NRG1: variants seen among roughly 807,000 people sequenced by gnomAD.
The protein encoded by NRG1 is pro-neuregulin-1, membrane-bound isoform.
A neutral mutation model predicts 63.8 loss-of-function variants in NRG1; 18 were observed. That is an observed-to-expected ratio of 0.28 (90% CI 0.19 to 0.42). NRG1 has a LOEUF of 0.42. Among genes scored for constraint, NRG1 ranks in the 10% least tolerant of loss-of-function variants. The probability of loss-of-function intolerance (pLI) is 1.00; values close to 1 mark genes in which losing one functional copy is unlikely to be tolerated. For missense variants in NRG1, 762 were observed against 814.7 expected (o/e 0.94, Z 0.79); for synonymous variants, 302 against 301.3 (o/e 1.00, Z -0.02).
chr8:32,685,032 G>A (rs544739832), intron 5 of NRG1, among the ~76,000 whole-genome samples: 34 of 152,128 alleles, frequency 2.2e-4, no homozygotes, highest in African/African-American at 7.0e-4. Context: ...GTAACATTCT[G>A]CAAAACCATG....
At chr8:32,471,124 A>G (rs1823793400) in intron 1 of NRG1, among the ~76,000 whole-genome samples, 1 of 151,944 alleles carries the variant, frequency 6.6e-6, no homozygotes, top group Non-Finnish European at 1.5e-5. Context: ...ATTTATGTCT[A>G]TTGAAATATG....
At chr8:31,976,184 A>T (rs1046060335) in intron 1 of NRG1, among the ~76,000 whole-genome samples, 2 of 152,188 alleles carry the variant, frequency 1.3e-5, no homozygotes, top group Non-Finnish European at 2.9e-5. Context: ...TCTGCCAATT[A>T]CCATTGTTTG....
At chr8:31,964,742 C>T (rs890226807) in intron 1 of NRG1, among the ~76,000 whole-genome samples, 5 of 152,168 alleles carry the variant, frequency 3.3e-5, no homozygotes, top group Admixed American at 2.6e-4. Context: ...CTAATAATAA[C>T]TTGACAGAGA....
intron 1 of NRG1, among the ~76,000 whole-genome samples, chr8:32,215,755 G>T (rs1470304157): frequency 6.6e-6 from 1 of 152,148 alleles, no homozygotes; most frequent in East Asian, 1.9e-4. Context: ...GAAAACATTG[G>T]TAGTTGCAGG....
intron 1 of NRG1, among the ~76,000 whole-genome samples, chr8:32,579,900 C>T (rs1563694888): frequency 6.6e-6 from 1 of 152,138 alleles, no homozygotes; most frequent in Non-Finnish European, 1.5e-5. Flanking sequence ...CATTTTCTTG[C>T]CTTTTTCGGC....
At chr8:32,531,171 A>G (rs1422926417) in intron 1 of NRG1, among the ~76,000 whole-genome samples, 2 of 152,112 alleles carry the variant, frequency 1.3e-5, no homozygotes, top group African/African-American at 4.8e-5. Flanking sequence ...GAAAAGAAAG[A>G]AAGAGATGTT....
At chr8:32,401,263 A>G (rs949294692) in intron 1 of NRG1, among the ~76,000 whole-genome samples, 6 of 152,200 alleles carry the variant, frequency 3.9e-5, no homozygotes, top group Non-Finnish European at 5.9e-5. Context: ...TACCAATATA[A>G]CAAACCAGCA....
intron 1 of NRG1, among the ~76,000 whole-genome samples, chr8:32,021,488 C>G (rs539508516): frequency 2.6e-5 from 4 of 152,262 alleles, no homozygotes; most frequent in South Asian, 4.1e-4. Context: ...AACACCAAGC[C>G]ATTCATGAAG....
chr8:32,539,725 A>T (rs993447711), intron 1 of NRG1, among the ~76,000 whole-genome samples: 2 of 152,176 alleles, frequency 1.3e-5, no homozygotes, highest in East Asian at 1.9e-4. Flanking sequence ...TAGAATTATC[A>T]TGTAGTTAAG....
chr8:31,643,777 G>T (rs1275748014), intron 1 of NRG1, among the ~76,000 whole-genome samples: 1 of 152,186 alleles, frequency 6.6e-6, no homozygotes, highest in Non-Finnish European at 1.5e-5. Flanking sequence ...ACAAGTCATT[G>T]TTTGATGTGC....
At chr8:32,244,910 C>T (rs1848461672) in intron 1 of NRG1, among the ~76,000 whole-genome samples, 1 of 152,130 alleles carries the variant, frequency 6.6e-6, no homozygotes, top group Non-Finnish European at 1.5e-5. Flanking sequence ...CAGAGTTTAA[C>T]CCTGAGCATA....
intron 5 of NRG1, among the ~76,000 whole-genome samples, chr8:32,642,418 A>G (rs1852594954): frequency 6.6e-6 from 1 of 152,224 alleles, no homozygotes; most frequent in Non-Finnish European, 1.5e-5. Flanking sequence ...TGGTACAGTT[A>G]AGAAATGCTG....
intron 1 of NRG1, among the ~76,000 whole-genome samples, chr8:32,299,239 C>T (rs1855308867): frequency 6.6e-6 from 1 of 151,842 alleles, no homozygotes; most frequent in Non-Finnish European, 1.5e-5. Flanking sequence ...GTCCTTGGAG[C>T]CATTGTTTCC....
chr8:32,132,640 T>A (rs546480995), intron 1 of NRG1, among the ~76,000 whole-genome samples: 1 of 152,188 alleles, frequency 6.6e-6, no homozygotes, highest in Non-Finnish European at 1.5e-5. Context: ...TGGCTGTTTG[T>A]GATAAATAGT....
At chr8:32,608,944 A>G (rs1340646807) in intron 3 of NRG1, among the ~76,000 whole-genome samples, 1 of 152,186 alleles carries the variant, frequency 6.6e-6, no homozygotes, top group African/African-American at 2.4e-5. Context: ...CAAGAATCCT[A>G]TTAGCAAAGT....
chr8:32,040,731 T>TTTAGGCGA (rs1563713224), intron 1 of NRG1, among the ~76,000 whole-genome samples: 1 of 46,532 alleles, frequency 2.1e-5, no homozygotes. Flanking sequence ...TATATATATA[T>TTTAGGCGA]ATATATGAAA....
chr8:31,715,327 GAA>G (rs565801884), intron 1 of NRG1, among the ~76,000 whole-genome samples: 1 of 152,010 alleles, frequency 6.6e-6, no homozygotes, highest in Non-Finnish European at 1.5e-5. Flanking sequence ...TAAAAATAAA[GAA>G]AAAATGAATC....
chr8:32,181,534 T>C (rs1841429090), intron 1 of NRG1, among the ~76,000 whole-genome samples: 1 of 152,206 alleles, frequency 6.6e-6, no homozygotes, highest in South Asian at 2.1e-4. Context: ...GGTAAGTTTT[T>C]CCAGGTTACC....
upstream of NRG1, among the ~76,000 whole-genome samples, chr8:32,547,646 C>G (rs1393746918): frequency 6.6e-6 from 1 of 151,816 alleles, no homozygotes; most frequent in African/African-American, 2.4e-5. Context: ...GCAGACCCAG[C>G]AGGAGAGCGC....
Sources: gnomAD v4.1 joint callset for allele counts (sites outside exome capture counted in the v4.1 genomes callset) on GRCh38, gnomAD v4.1.1 for gene constraint, MANE v1.5 for transcripts, NCBI Gene and HGNC (gene_info 2026-07-23, HGNC 2026-07-21) for gene names.